The following TTN variants were observed in gnomAD, a reference collection of about 807,000 sequenced individuals.
TTN encodes connectin.
A neutral mutation model predicts 3,223.0 loss-of-function variants in TTN; 1,525 were observed. The observed-to-expected ratio is 0.47, with a 90% confidence interval of 0.45 to 0.49. The LOEUF (loss-of-function observed/expected upper bound fraction) is 0.49. Ranked by LOEUF, TTN falls within the 20% of genes least tolerant of loss-of-function variation. TTN has a pLI of 0.00. For missense variants in TTN, 40,786 were observed against 43,424.0 expected, an observed-to-expected ratio of 0.94 and a Z score of 5.40; for synonymous variants, 14,094 against 15,161.0, an observed-to-expected ratio of 0.93 and a Z score of 5.17.
intron 47 of TTN, among the ~76,000 whole-genome samples, chr2:178,752,355 G>T (rs1187243568): frequency 6.6e-6 from 1 of 151,982 alleles, no homozygotes; most frequent in Non-Finnish European, 1.5e-5. Context: ...TTGTTCTTTT[G>T]ATGGCTAAGT....
chr2:178,538,788 C>G lies in TTN; in HGVS notation c.99041G>C (p.Ser33014Thr). 1.9e-6 allele frequency: 3 copies of G among 1,613,466 alleles called. No homozygotes were observed. The change falls in exon 354 of 363, where the codon AGT (serine) becomes ACT (threonine). Residue 33014 changes from serine to threonine, a missense_variant. By Grantham distance (58) the Ser-to-Thr change is moderately conservative. Coordinates refer to ENST00000589042, the MANE Select transcript of TTN (RefSeq NM_001267550.2). ...ELEILSISKDSVTLQWEKPEC... is the reference protein window; with the variant it reads ...ELEILSISKDTVTLQWEKPEC... ...AGGTTTCTCCCACTGTAGAGTGACA[C>G]TATCTTTGGATATTGAAAGAATCTC... is the stretch of plus-strand genomic sequence containing the variant.
At position 178,784,260 on chromosome 2, in the gene TTN, G is replaced by A. The variant is rs1431639021; in HGVS notation, c.2585C>T (p.Pro862Leu). 5 of 1,614,006 alleles carry A rather than the reference G, an allele frequency of 3.1e-6. No homozygotes were observed. The highest frequency in any genetic ancestry group is 4.2e-6 in the Non-Finnish European group (5 of 1,180,008). Reference sequence around the variant, plus strand: ...TCTAGTCTCACTGGGCTTCACAGTAGGAGCCTTCACCGATTTGGTGATCTT... The same window carrying A: ...TCTAGTCTCACTGGGCTTCACAGTAAGAGCCTTCACCGATTTGGTGATCTT... ...AQKITKSVKA[P>L]TVKPSETRVR... Residue 862 changes from proline (P) to leucine (L), a missense_variant, in exon 16 of 363, where the codon CCT becomes CTT. Pro to Leu is a moderately conservative substitution (Grantham distance 98, BLOSUM62 -3). Transcript: ENST00000589042.
rs1451784393 is a variant in TTN, at chr2:178,777,577, T to G, written c.4488A>C (p.Gln1496His). The change falls in exon 26 of 363, where the codon CAA becomes CAC. Residue 1496 changes from glutamine to histidine, a missense_variant. By Grantham distance (24) the Gln-to-His change is conservative. Transcript: ENST00000589042. ...PETFWFHDGQ[Q>H]IVNDYTHKVV... ...CTTTATGGGTATAGTCATTGACAAT[T>G]TGCTGGCCTGTGAAAATATGTTTAA... The G allele has an allele frequency of 6.2e-7, 1 of 1,613,906 alleles. No homozygotes were observed.
intron 90 of TTN, 94 bp from the exon 91 acceptor site, chr2:178,714,667 A>C: frequency 7.4e-7 from 1 of 1,355,590 alleles, no homozygotes; most frequent in Non-Finnish European, 9.8e-7. Flanking sequence ...ACTAGTGATA[A>C]TGTGTTATTT....
intron 316 of TTN, 56 bp downstream of exon 316, chr2:178,581,443 C>T: frequency 1.4e-6 from 2 of 1,445,174 alleles, no homozygotes; most frequent in Non-Finnish European, 9.4e-7. Context: ...TCTAGTCTCC[C>T]TCTTAGAATA....
chr2:178,566,118 T>C lies in TTN; in HGVS notation c.80014A>G (p.Lys26672Glu). ...ACTTTCACAGTTACAAAAGCAGACTTTGATCCACTGCTGTTTTCCAACTTA... is the reference window on the plus strand; with the variant it reads ...ACTTTCACAGTTACAAAAGCAGACTCTGATCCACTGCTGTTTTCCAACTTA... ...ILKLENSSGS[K>E]SAFVTVKVLD... The change falls in exon 326 of 363, where the codon AAG becomes GAG. Residue 26672 changes from lysine (K) to glutamate (E), a missense_variant. Physicochemically the swap from Lys to Glu is moderately conservative, Grantham distance 56. Coordinates refer to ENST00000589042, the MANE Select transcript of TTN (RefSeq NM_001267550.2). 1 of 1,613,658 alleles carries C rather than the reference T, an allele frequency of 6.2e-7. No homozygotes were observed. Among genetic ancestry groups the C allele is most frequent in the Non-Finnish European group, 8.5e-7 (1 of 1,179,670 alleles).
Position 178,794,569 on chromosome 2 carries a change from A to T in TTN, c.1246-18T>A. On this transcript the variant is annotated intron_variant, in intron 7 of 362. Coordinates refer to ENST00000589042, the MANE Select transcript of TTN (RefSeq NM_001267550.2). ...TGTTTCACCTAGATTAGAAATGACC[A>T]AGTAGATTACTTTTTTAAATGACAT... The T allele has an allele frequency of 6.2e-7, 1 of 1,614,172 alleles. No homozygotes were observed. Among genetic ancestry groups the T allele is most frequent in the Non-Finnish European group, 8.5e-7 (1 of 1,179,990 alleles).
chr2:178,679,262 G>T, intron 142 of TTN, 77 bp downstream of exon 142: 1 of 1,466,594 alleles, frequency 6.8e-7, no homozygotes, highest in Admixed American at 1.8e-5. Context: ...CATGGGGAAA[G>T]ATCTGCTATG....
intron 223 of TTN, among the ~76,000 whole-genome samples, chr2:178,638,318 ATTT>A (rs2060764115): frequency 6.6e-6 from 1 of 150,730 alleles, no homozygotes; most frequent in South Asian, 2.1e-4. Context: ...TTTCTAAATA[ATTT>A]ATATAAAAAT....
intron 332 of TTN, 69 bp downstream of exon 332, chr2:178,554,384 A>G (rs1700507445): frequency 3.9e-6 from 6 of 1,519,398 alleles, no homozygotes; most frequent in Non-Finnish European, 4.5e-6. Context: ...ATTAAAGCAT[A>G]TGCACAGGTT....
intron 359 of TTN, 43 bp from the exon 360 acceptor site, chr2:178,529,262 AC>A (rs1244565605): frequency 7.4e-7 from 1 of 1,352,710 alleles, no homozygotes; most frequent in Non-Finnish European, 9.7e-7. Flanking sequence ...TTAGAAAGAG[AC>A]CCCCACCTTT....
At position 178,711,162 on chromosome 2, in the gene TTN, G is replaced by C. The variant is rs772459238; in HGVS notation, c.28074C>G (p.Leu9358=). 1 of 1,613,874 alleles carries C rather than the reference G, an allele frequency of 6.2e-7. No individual in the cohort carries two copies. Among genetic ancestry groups the C allele is most frequent in the Non-Finnish European group, 8.5e-7 (1 of 1,179,808 alleles). ...GGCTCCGGTCAGTTTTAAAAATATT[G>C]AGTGTGGCTGTATTGTCTAAAAATG... ...QTSFLDNTAT[L]NIFKTDRSLA... The change falls in exon 97 of 363, where the codon CTC becomes CTG. Residue 9358 remains leucine (L), a synonymous_variant. Coordinates refer to ENST00000589042, the MANE Select transcript of TTN (RefSeq NM_001267550.2).
chr2:178,805,870 G>T (rs2094295275), intron 1 of TTN, among the ~76,000 whole-genome samples: 1 of 152,128 alleles, frequency 6.6e-6, no homozygotes, highest in African/African-American at 2.4e-5. Context: ...TATAAAATTT[G>T]CAGTTAAGTC....
chr2:178,535,556 C>A lies in TTN; in HGVS notation c.101059G>T (p.Ala33687Ser). Residue 33687 changes from alanine to serine, a missense_variant, in exon 358 of 363, where the codon GCT becomes TCT. By Grantham distance (99) the Ala-to-Ser change is moderately conservative. Coordinates refer to ENST00000589042, the MANE Select transcript of TTN (RefSeq NM_001267550.2). ...CCTCTGGGTGGGTCAGGAACATCAGCCACATCCAGTTCAACTGTCTTCTGA... is the reference window on the plus strand; with the variant it reads ...CCTCTGGGTGGGTCAGGAACATCAGACACATCCAGTTCAACTGTCTTCTGA... Reference protein sequence around the residue: ...IDQKTVELDVADVPDPPRGVK... With the variant: ...IDQKTVELDVSDVPDPPRGVK... The A allele has an allele frequency of 6.2e-7, 1 of 1,613,854 alleles. No homozygotes were observed. Among genetic ancestry groups the A allele is most frequent in the Middle Eastern group, 1.6e-4 (1 of 6,062 alleles).
chr2:178,600,810 G>A lies in TTN; in HGVS notation c.56050+44C>T, dbSNP rs774194391. 3.7e-6 allele frequency: 6 copies of A among 1,607,722 alleles called. No homozygotes were observed. In the Admixed American group the frequency reaches 8.3e-5, roughly 22 times the overall value. On this transcript the variant is annotated intron_variant, in intron 288 of 362. Transcript: ENST00000589042. ...GAACTATTATTGAACACCTAGGAAG[G>A]CAGCTGTAAGGAGGACATTCTTTGT...
chr2:178,625,980 G>A (rs577277181), intron 240 of TTN, among the ~76,000 whole-genome samples: 73 of 151,940 alleles, frequency 4.8e-4, no homozygotes, highest in African/African-American at 1.7e-3. Flanking sequence ...TTGCATATGC[G>A]TAGATATACA....
intron 163 of TTN, 92 bp downstream of exon 163, chr2:178,666,732 C>A: frequency 9.3e-7 from 1 of 1,075,842 alleles, no homozygotes; most frequent in Non-Finnish European, 1.3e-6. Context: ...TCCACTGTAG[C>A]CACTTTGGCT....
At chr2:178,669,558 A>G in intron 158 of TTN, 34 bp downstream of exon 158, 1 of 1,609,256 alleles carries the variant, frequency 6.2e-7, no homozygotes, top group South Asian at 1.1e-5. Flanking sequence ...TAAACCAAGA[A>G]TTATTTCATG....
At chr2:178,753,279 A>G in intron 46 of TTN, 99 bp from the exon 47 acceptor site, 1 of 913,706 alleles carries the variant, frequency 1.1e-6, no homozygotes, top group Non-Finnish European at 1.7e-6. Flanking sequence ...TTTTTATTAT[A>G]ACAACAGAAA....
Sources: gnomAD v4.1 joint callset for allele counts (sites outside exome capture counted in the v4.1 genomes callset) on GRCh38, gnomAD v4.1.1 for gene constraint, MANE v1.5 for transcripts, NCBI Gene and HGNC (gene_info 2026-07-23, HGNC 2026-07-21) for gene names.